The following PCDHA6 variants were observed in gnomAD, a reference collection of about 807,000 sequenced individuals.
PCDHA6 encodes protocadherin alpha 6.
PCDHA6 carries 55 observed loss-of-function variants against 60.3 expected under a neutral mutation model. The ratio of observed to expected loss-of-function variants is 0.91; its 90% CI spans 0.73 to 1.14. The LOEUF (loss-of-function observed/expected upper bound fraction) is 1.14, where lower values mean the gene tolerates loss of function less well. Ranked by LOEUF, PCDHA6 falls within the 50% of genes most tolerant of loss-of-function variation. The probability of loss-of-function intolerance (pLI) is 0.00; values close to 1 mark genes in which losing one functional copy is unlikely to be tolerated. For synonymous variants in PCDHA6, 652 were observed against 557.9 expected, an observed-to-expected ratio of 1.17 and a Z score of -2.38; for missense variants, 1,327 against 1,256.5, an observed-to-expected ratio of 1.06 and a Z score of -0.85.
Position 141,010,322 on chromosome 5 carries a change from C to G in PCDHA6, c.*385C>G. 6.5e-7 allele frequency: 1 copy of G among 1,540,986 alleles called. No homozygotes were observed. The highest frequency in any genetic ancestry group is 8.7e-7 in the Non-Finnish European group (1 of 1,143,174). Reference sequence around the variant, plus strand: ...GCTGAAAAGTTTTGAGATTGAGCAGCTTGGGAGTTTGTGGCCACTGGGTAT... The same window carrying G: ...GCTGAAAAGTTTTGAGATTGAGCAGGTTGGGAGTTTGTGGCCACTGGGTAT... On this transcript the variant is annotated 3_prime_UTR_variant, in exon 4 of 4. Transcript: ENST00000529310.
At chr5:140,893,570 G>A (rs1583135271) in intron 1 of PCDHA6, among the ~76,000 whole-genome samples, 1 of 152,154 alleles carries the variant, frequency 6.6e-6, no homozygotes, top group African/African-American at 2.4e-5. Context: ...TACTTCCTCA[G>A]TTTTTGCTTG....
At chr5:140,953,551 T>C (rs565115779) in intron 1 of PCDHA6, among the ~76,000 whole-genome samples, 1 of 152,240 alleles carries the variant, frequency 6.6e-6, no homozygotes, top group East Asian at 1.9e-4. Flanking sequence ...GATTCTTTTC[T>C]CCAAGTTTTA....
chr5:140,845,731 C>A (rs1420659203), intron 1 of PCDHA6, among the ~76,000 whole-genome samples: 1 of 149,400 alleles, frequency 6.7e-6, no homozygotes, highest in Non-Finnish European at 1.5e-5. Context: ...AATGTGAATT[C>A]TACTTTATAG....
intron 3 of PCDHA6, among the ~76,000 whole-genome samples, chr5:140,997,720 G>A (rs973128921): frequency 3.3e-5 from 5 of 151,568 alleles, no homozygotes; most frequent in East Asian, 1.9e-4. Context: ...ACCTTTCTAC[G>A]TCAGTACATA....
chr5:140,967,111 T>G, intron 1 of PCDHA6: 1 of 1,612,990 alleles, frequency 6.2e-7, no homozygotes, highest in East Asian at 2.2e-5. Context: ...AGCAGCGGCC[T>G]CGCTGCCTGC....
At position 140,842,785 on chromosome 5, in the gene PCDHA6, G is replaced by A. The variant is rs2150344223; in HGVS notation, c.2394+12300G>A. 4 of 1,594,390 alleles carry A rather than the reference G, an allele frequency of 2.5e-6. 1 individual carries two copies. The highest frequency in any genetic ancestry group is 3.4e-5 in the Admixed American group (2 of 59,288). ...GAGACGCGGACGCGCAGGAGAACGCGCTGGTGTCCTACTCGCTTGTGGAGC... is the reference window on the plus strand; with the variant it reads ...GAGACGCGGACGCGCAGGAGAACGCACTGGTGTCCTACTCGCTTGTGGAGC... On this transcript the variant is annotated intron_variant, in intron 1 of 3. Transcript: ENST00000529310.
intron 1 of PCDHA6, among the ~76,000 whole-genome samples, chr5:140,895,468 CCT>C (rs2065019844): frequency 6.6e-6 from 1 of 152,130 alleles, no homozygotes; most frequent in Non-Finnish European, 1.5e-5. Flanking sequence ...ATTTCTTTAT[CCT>C]CTTCGGAGAA....
At chr5:140,859,044 G>C (rs1228604447) in intron 1 of PCDHA6, 6 of 150,376 alleles carry the variant, frequency 4.0e-5, no homozygotes, top group Non-Finnish European at 7.4e-5. Context: ...CTTTAAAAAC[G>C]TTTTCCATTT....
Position 140,829,220 on chromosome 5 carries a change from C to G in PCDHA6, c.1129C>G (p.Leu377Val), listed in dbSNP as rs149405425. The change falls in exon 1 of 4, where the codon CTC becomes GTC. Residue 377 changes from leucine to valine, a missense_variant. Coordinates refer to ENST00000529310, the MANE Select transcript of PCDHA6 (RefSeq NM_018909.4). ...TVIALISVND[L>V]DSGANGQVNC... ...CATCGCCCTAATTAGCGTGAACGACCTCGATTCAGGTGCCAACGGGCAGGT... is the reference window on the plus strand; with the variant it reads ...CATCGCCCTAATTAGCGTGAACGACGTCGATTCAGGTGCCAACGGGCAGGT... 1.4e-5 allele frequency: 22 copies of G among 1,614,108 alleles called. No individual in the cohort carries two copies. The highest frequency in any genetic ancestry group is 1.8e-5 in the Non-Finnish European group (21 of 1,180,052).
chr5:140,864,184 A>T (rs2153225198), intron 1 of PCDHA6: 1 of 152,304 alleles, frequency 6.6e-6, no homozygotes, highest in East Asian at 1.9e-4. Context: ...ATGATGAATA[A>T]TGATCCTTAT....
chr5:140,856,648 T>G (rs2044130273), intron 1 of PCDHA6: 1 of 1,598,174 alleles, frequency 6.3e-7, no homozygotes, highest in African/African-American at 1.3e-5. Flanking sequence ...AGCTGCTGGA[T>G]CGTGAAGAAA....
chr5:140,842,755 T>A, intron 1 of PCDHA6: 1 of 1,594,888 alleles, frequency 6.3e-7, no homozygotes, highest in Non-Finnish European at 8.6e-7. Context: ...TCACGGTGTC[T>A]GCGCGAGACG....
intron 1 of PCDHA6, among the ~76,000 whole-genome samples, chr5:140,924,911 TA>T (rs1563069164): frequency 3.0e-4 from 18 of 59,772 alleles, no homozygotes; most frequent in Middle Eastern, 7.5e-3. Flanking sequence ...AAAAATAAAA[TA>T]AAATAAAATA....
chr5:140,959,471 C>T (rs910729465), intron 1 of PCDHA6, among the ~76,000 whole-genome samples: 3 of 151,970 alleles, frequency 2.0e-5, no homozygotes, highest in African/African-American at 7.3e-5. Context: ...TGGCATCAAT[C>T]AAGGCATATT....
At chr5:140,971,624 T>C (rs2153790714) in intron 1 of PCDHA6, among the ~76,000 whole-genome samples, 1 of 152,254 alleles carries the variant, frequency 6.6e-6, no homozygotes, top group East Asian at 1.9e-4. Flanking sequence ...TGGGGTACAA[T>C]TAGTACCATG....
intron 1 of PCDHA6, among the ~76,000 whole-genome samples, chr5:140,935,456 C>G (rs981681011): frequency 6.6e-6 from 1 of 152,150 alleles, no homozygotes; most frequent in Non-Finnish European, 1.5e-5. Flanking sequence ...GATACTGTAG[C>G]AGTTTAAGTT....
At chr5:140,998,754 C>T (rs2097832847) in intron 3 of PCDHA6, among the ~76,000 whole-genome samples, 1 of 152,056 alleles carries the variant, frequency 6.6e-6, no homozygotes, top group African/African-American at 2.4e-5. Context: ...AGAAGAGACA[C>T]AGTTTCACTA....
At chr5:140,965,400 G>A (rs782574003) in intron 1 of PCDHA6, among the ~76,000 whole-genome samples, 1 of 152,154 alleles carries the variant, frequency 6.6e-6, no homozygotes, top group Non-Finnish European at 1.5e-5. Context: ...GAAGTCTAAG[G>A]AGTCTTATAT....
Position 140,882,403 on chromosome 5 carries a change from G to A in PCDHA6, c.2394+51918G>A, listed in dbSNP as rs536389638. ...AGGAAGCAAAACACGGCACCTTCGTGGGCCGCATCGCTCAGGACCTGGGGC... is the reference window on the plus strand; with the variant it reads ...AGGAAGCAAAACACGGCACCTTCGTAGGCCGCATCGCTCAGGACCTGGGGC... On this transcript the variant is annotated intron_variant, in intron 1 of 3. Transcript: ENST00000529310. 1.9e-5 allele frequency: 31 copies of A among 1,614,168 alleles called. No homozygotes were observed. In the South Asian group the frequency reaches 3.3e-4, roughly 17 times the overall value.
Sources: gnomAD v4.1 joint callset for allele counts (sites outside exome capture counted in the v4.1 genomes callset) on GRCh38, gnomAD v4.1.1 for gene constraint, MANE v1.5 for transcripts, NCBI Gene and HGNC (gene_info 2026-07-23, HGNC 2026-07-21) for gene names.